Variants in SIRPA observed in about 807,000 individuals in gnomAD.
SIRPA encodes signal regulatory protein alpha, also known as tyrosine-protein phosphatase non-receptor type substrate 1.
In SIRPA, 9 loss-of-function variants were observed where a neutral mutation model predicts 50.3. The ratio of observed to expected loss-of-function variants is 0.18; its 90% confidence interval spans 0.11 to 0.31. The LOEUF is 0.31. Ranked by LOEUF, SIRPA falls within the 10% of genes least tolerant of loss-of-function variation. SIRPA has a pLI of 1.00. For missense variants in SIRPA, 474 were observed against 661.6 expected (o/e 0.72, Z 3.11); for synonymous variants, 265 against 284.1 (o/e 0.93, Z 0.68).
intron 1 of SIRPA, 76 bp downstream of exon 1, chr20:1,895,602 C>A: frequency 1.7e-6 from 2 of 1,160,088 alleles, no homozygotes; most frequent in Non-Finnish European, 2.3e-6. Flanking sequence ...CACTGGGACC[C>A]CTTCGGCTAA....
intron 1 of SIRPA, among the ~76,000 whole-genome samples, chr20:1,901,473 C>G (rs1364270963): frequency 1.3e-5 from 2 of 151,978 alleles, no homozygotes; most frequent in Non-Finnish European, 2.9e-5. Flanking sequence ...ACCCGGCCTC[C>G]TCTCGTATTT....
intron 1 of SIRPA, among the ~76,000 whole-genome samples, chr20:1,895,737 A>T (rs1432682089): frequency 2.0e-5 from 3 of 152,152 alleles, no homozygotes; most frequent in South Asian, 2.1e-4. Context: ...AGTCTCTTCT[A>T]TGAGAGTTTG....
rs1600469494 is a variant in SIRPA at position 1,937,494 on chromosome 20, A to G, written c.1441A>G (p.Thr481Ala). The change falls in exon 8 of 8, where the codon ACC (threonine) becomes GCC (alanine). Residue 481 changes from threonine to alanine, a missense_variant. By Grantham distance (58) the Thr-to-Ala change is moderately conservative. This residue lies in a region of SIRPA where 180 missense variants were observed against 206.7 expected (regional missense o/e 0.87). Transcript: ENST00000358771. This position sits in a 1 kb window ranked among gnomAD's most constrained non-coding sequence, Gnocchi z 8.3. ...ADLDMVHLNR[T>A]PKQPAPKPEP... is the part of the protein sequence containing the mutation. ...CCTGGACATGGTCCACCTCAACCGG[A>G]CCCCCAAGCAGCCGGCCCCCAAGCC... 1 of 1,613,490 alleles carries G rather than the reference A, an allele frequency of 6.2e-7. No individual in the cohort carries two copies. Among genetic ancestry groups the G allele is most frequent in the Admixed American group, 1.7e-5 (1 of 59,938 alleles).
chr20:1,908,160 T>C (rs556229254), intron 1 of SIRPA, among the ~76,000 whole-genome samples: 115 of 152,264 alleles, frequency 7.6e-4, no homozygotes, highest in Admixed American at 2.5e-3. Flanking sequence ...ATCACCCTTG[T>C]GCTTGTGGAA....
chr20:1,900,708 C>T (rs1428514205), intron 1 of SIRPA, among the ~76,000 whole-genome samples: 1 of 152,248 alleles, frequency 6.6e-6, no homozygotes, highest in Non-Finnish European at 1.5e-5. Flanking sequence ...TGGTCCAGGC[C>T]AAGGCTTTTA....
intron 1 of SIRPA, among the ~76,000 whole-genome samples, chr20:1,902,679 A>G (rs1012053300): frequency 6.6e-6 from 1 of 152,190 alleles, no homozygotes; most frequent in African/African-American, 2.4e-5. Flanking sequence ...TAGTCAGGAC[A>G]GAGGGAGGGC....
At chr20:1,918,749 T>A (rs1985465401) in intron 2 of SIRPA, among the ~76,000 whole-genome samples, 1 of 152,044 alleles carries the variant, frequency 6.6e-6, no homozygotes, top group African/African-American at 2.4e-5. Flanking sequence ...TATGAAATGA[T>A]GATGATGATT....
intron 4 of SIRPA, among the ~76,000 whole-genome samples, chr20:1,923,132 C>T (rs1017076896): frequency 2.0e-5 from 3 of 152,210 alleles, no homozygotes; most frequent in African/African-American, 7.2e-5. Context: ...ATGTTCCATC[C>T]CACATGTGAC....
chr20:1,924,613 A>C lies in SIRPA; in HGVS notation c.1088-151A>C, dbSNP rs34944048. The C allele has an allele frequency of 7.6e-6, 5 of 658,368 alleles. No individual in the cohort carries two copies. Among genetic ancestry groups the C allele is most frequent in the Non-Finnish European group, 1.4e-5 (5 of 365,320 alleles). The allele number at this position is 658,368 out of a possible 1,614,324, so 40.8% of individuals were successfully genotyped here. A position where few individuals can be genotyped will look rare whatever the true frequency, so the allele number is the denominator to read the frequency against. ...CTCGTGGGCAAGTGTGTACAGACCCATGAGTGTGCCCATGTGGCTCGAGAC... is the reference window on the plus strand; with the variant it reads ...CTCGTGGGCAAGTGTGTACAGACCCCTGAGTGTGCCCATGTGGCTCGAGAC... On this transcript the variant is annotated intron_variant, in intron 4 of 7. Transcript: ENST00000358771. This position sits in a 1 kb window ranked among gnomAD's most constrained non-coding sequence, Gnocchi z 4.5.
At chr20:1,897,744 G>A (rs1983917669) in intron 1 of SIRPA, among the ~76,000 whole-genome samples, 2 of 151,862 alleles carry the variant, frequency 1.3e-5, no homozygotes, top group Admixed American at 6.6e-5. Context: ...GTTTTGGGGG[G>A]GTGGGGCCAA....
At chr20:1,903,254 G>A (rs556412767) in intron 1 of SIRPA, among the ~76,000 whole-genome samples, 56 of 152,136 alleles carry the variant, frequency 3.7e-4, no homozygotes, top group Non-Finnish European at 6.6e-4. Flanking sequence ...ACCTAACATG[G>A]AGCATGTCTG....
At position 1,933,340 on chromosome 20, in the gene SIRPA, A is replaced by C. The variant is rs1484153883; in HGVS notation, c.1227-1375A>C. 6.6e-6 allele frequency among the ~76,000 whole-genome samples: 1 copy of C among 152,064 alleles called. No individual in the cohort carries two copies. The highest frequency in any genetic ancestry group is 6.5e-5 in the Admixed American group (1 of 15,272). On this transcript the variant is annotated intron_variant, in intron 6 of 7. Coordinates refer to ENST00000358771, the MANE Select transcript of SIRPA (RefSeq NM_001040023.2). The surrounding 1 kb of genome is among the most constrained non-coding windows in gnomAD (Gnocchi z 4.4). ...AACAGGAAAGTTAGCCAAGAGGAAA[A>C]ATGATCAAAGGGGTCCTTCGAGGCT...
intron 6 of SIRPA, among the ~76,000 whole-genome samples, chr20:1,931,932 A>C (rs965910922): frequency 6.6e-6 from 1 of 152,214 alleles, no homozygotes; most frequent in African/African-American, 2.4e-5. Context: ...GGCTTCCCTG[A>C]GTCTTTCATT....
At chr20:1,915,026 A>G in intron 1 of SIRPA, 73 bp from the exon 2 acceptor site, 4 of 1,202,816 alleles carry the variant, frequency 3.3e-6, no homozygotes, top group Non-Finnish European at 4.8e-6. Flanking sequence ...AATGAACGTC[A>G]TTGATAAACA....
intron 1 of SIRPA, among the ~76,000 whole-genome samples, chr20:1,899,196 A>G (rs1285562476): frequency 6.6e-6 from 1 of 150,398 alleles, no homozygotes; most frequent in African/African-American, 2.4e-5. Context: ...AGTGGGTCCA[A>G]GTTTTCTTTA....
rs1179362334 is a variant in SIRPA, at chr20:1,927,195, A to G, written c.1202-680A>G. On this transcript the variant is annotated intron_variant, in intron 5 of 7. Coordinates refer to ENST00000358771, the MANE Select transcript of SIRPA (RefSeq NM_001040023.2). This position sits in a 1 kb window ranked among gnomAD's most constrained non-coding sequence, Gnocchi z 6.5. ...CGGTGCAGAGTGCATTTGGGTGTGC[A>G]TGTTGCTTTTTAATTACAATTTTAC... 6.6e-6 allele frequency among the ~76,000 whole-genome samples: 1 copy of G among 152,196 alleles called. No individual in the cohort carries two copies. Among genetic ancestry groups the G allele is most frequent in the East Asian group, 1.9e-4 (1 of 5,188 alleles).
intron 1 of SIRPA, among the ~76,000 whole-genome samples, chr20:1,909,163 A>G (rs1244935467): frequency 6.6e-6 from 1 of 152,258 alleles, no homozygotes; most frequent in Non-Finnish European, 1.5e-5. Context: ...GTGTACTGCC[A>G]GAGCTCCAGC....
chr20:1,916,611 T>C (rs531242760), intron 2 of SIRPA, among the ~76,000 whole-genome samples: 4 of 152,316 alleles, frequency 2.6e-5, no homozygotes, highest in Admixed American at 2.6e-4. Flanking sequence ...CGCTCCCAAA[T>C]GTAAGCCATA....
intron 2 of SIRPA, among the ~76,000 whole-genome samples, chr20:1,919,813 G>A (rs916857057): frequency 1.3e-5 from 2 of 152,122 alleles, no homozygotes; most frequent in African/African-American, 4.8e-5. Context: ...TTAGAAAAGG[G>A]GAGAGAATCC....
Sources: allele counts gnomAD v4.1 joint callset (sites outside exome capture counted in the v4.1 genomes callset), GRCh38; gene constraint gnomAD v4.1.1; regional missense constraint gnomAD v4.1.1; non-coding constraint Gnocchi (gnomAD v3.1); transcripts MANE v1.5; gene names NCBI Gene and HGNC (gene_info 2026-07-23, HGNC 2026-07-21).